The following EZH2 variants were observed in gnomAD, a reference collection of about 807,000 sequenced individuals.
EZH2 encodes the protein enhancer of zeste 2 polycomb repressive complex 2 subunit.
EZH2 carries 18 observed loss-of-function variants against 98.4 expected under a neutral mutation model. The ratio of observed to expected loss-of-function variants is 0.18; its 90% CI spans 0.13 to 0.27. The LOEUF (loss-of-function observed/expected upper bound fraction) is 0.27, where lower values mean the gene tolerates loss of function less well. EZH2 is among the 10% of genes least tolerant of loss of function. The pLI, the probability that EZH2 is intolerant of heterozygous loss-of-function variation, is 1.00. For synonymous variants in EZH2, 338 were observed against 312.3 expected (o/e 1.08, Z -0.87); for missense variants, 470 against 935.1 (o/e 0.50, Z 6.49).
Position 148,826,500 on chromosome 7 carries a change from C to T in EZH2, c.861G>A (p.Arg287=). The T allele has an allele frequency of 1.2e-6, 2 of 1,601,116 alleles. No individual in the cohort carries two copies. The highest frequency in any genetic ancestry group is 1.7e-6 in the Non-Finnish European group (2 of 1,172,368). The change falls in exon 8 of 20, where the codon AGG becomes AGA. Residue 287 remains arginine, a synonymous_variant. Transcript: ENST00000320356. ...GGAAGCAGTCATATTTAAAACATCG[C>T]CTACAGAAAAGCGTATGAAAGGAGT... The part of the protein sequence containing the change: ...SLHSFHTLFC[R]RCFKYDCFLH...
At chr7:148,822,846 G>A (rs1304332608) in intron 8 of EZH2, among the ~76,000 whole-genome samples, 1 of 152,006 alleles carries the variant, frequency 6.6e-6, no homozygotes, top group Non-Finnish European at 1.5e-5. Flanking sequence ...GAAGGCTGAG[G>A]CAGGAGAATC....
At chr7:148,839,613 C>G (rs889733974) in intron 3 of EZH2, among the ~76,000 whole-genome samples, 1 of 151,368 alleles carries the variant, frequency 6.6e-6, no homozygotes, top group Non-Finnish European at 1.5e-5. Flanking sequence ...CTTGTGATCT[C>G]GGCTCACTGA....
At chr7:148,834,358 C>CATATAT (rs1182664076) in intron 3 of EZH2, among the ~76,000 whole-genome samples, 23 of 88,912 alleles carry the variant, frequency 2.6e-4, no homozygotes, top group African/African-American at 9.2e-4. Flanking sequence ...TATATACACA[C>CATATAT]ACACACACAC....
chr7:148,859,089 T>A (rs369773093), intron 1 of EZH2, among the ~76,000 whole-genome samples: 2 of 152,334 alleles, frequency 1.3e-5, no homozygotes, highest in East Asian at 3.9e-4. Flanking sequence ...ATTCATTAAG[T>A]CAACAAATAT....
chr7:148,832,565 A>G, intron 4 of EZH2, 69 bp downstream of exon 4: 2 of 861,190 alleles, frequency 2.3e-6, no homozygotes, highest in Non-Finnish European at 3.7e-6. Context: ...CTTGACAATA[A>G]AATTATCTAT....
intron 3 of EZH2, among the ~76,000 whole-genome samples, chr7:148,838,774 C>G (rs921373471): frequency 7.2e-5 from 11 of 152,064 alleles, no homozygotes; most frequent in Admixed American, 2.0e-4. Flanking sequence ...TGGGCAAGAC[C>G]AGGCGCAGTG....
intron 3 of EZH2, among the ~76,000 whole-genome samples, chr7:148,839,077 G>GAAGGAAGGAAGA (rs1811690099): frequency 6.7e-6 from 1 of 150,300 alleles, no homozygotes; most frequent in African/African-American, 2.5e-5. Flanking sequence ...AGGAAGGAAG[G>GAAGGAAGGAAGA]AAGGAAGGAA....
intron 8 of EZH2, among the ~76,000 whole-genome samples, chr7:148,823,652 CTTTTTT>C (rs548755331): frequency 7.1e-6 from 1 of 141,670 alleles, no homozygotes; most frequent in Non-Finnish European, 1.6e-5. Flanking sequence ...CATTTTCATA[CTTTTTT>C]TTTTTTTTTA....
intron 15 of EZH2, 114 bp downstream of exon 15, chr7:148,813,845 T>C: frequency 8.9e-7 from 1 of 1,121,544 alleles, no homozygotes. Flanking sequence ...CAGTTGCACC[T>C]TTCAAGGATC....
At chr7:148,807,767 T>TGAC (rs55877618) in intron 19 of EZH2, 61 bp from the exon 20 acceptor site, 1 of 1,112,630 alleles carries the variant, frequency 9.0e-7, no homozygotes, top group Middle Eastern at 2.0e-4. Context: ...TGCTGAGACT[T>TGAC]AACACAACAA....
In EZH2 at chr7:148,832,116, G is replaced by C. The variant is rs561021447; in HGVS notation, c.363+518C>G. On this transcript the variant is annotated intron_variant, in intron 4 of 19. Coordinates refer to ENST00000320356, the MANE Select transcript of EZH2 (RefSeq NM_004456.5). ...CATTCCTTTTGTTTTTTTCAGACAG[G>C]GTCTGGCTGTCACCCAAGCTAGAGT... Among the ~76,000 whole-genome samples the C allele has an allele frequency of 3.3e-5, 5 of 151,822 alleles. No homozygotes were observed. In the South Asian group the frequency reaches 1.0e-3, roughly 32 times the overall value.
chr7:148,847,721 G>A (rs569666796), intron 1 of EZH2, among the ~76,000 whole-genome samples: 2 of 152,190 alleles, frequency 1.3e-5, no homozygotes, highest in African/African-American at 4.8e-5. Flanking sequence ...AACTGAAAAA[G>A]GTAAATCCAA....
At chr7:148,854,982 C>G (rs1272106707) in intron 1 of EZH2, among the ~76,000 whole-genome samples, 1 of 152,156 alleles carries the variant, frequency 6.6e-6, no homozygotes, top group African/African-American at 2.4e-5. Context: ...TTAAGAGAAA[C>G]AGATCCTATG....
chr7:148,815,461 C>T (rs1238520375), intron 13 of EZH2, 45 bp downstream of exon 13: 8 of 1,562,540 alleles, frequency 5.1e-6, no homozygotes, highest in Non-Finnish European at 6.2e-6. Context: ...GAAAACAAAG[C>T]AGATATTGTT....
chr7:148,873,510 AG>A (rs1275814495), intron 1 of EZH2, among the ~76,000 whole-genome samples: 3 of 148,702 alleles, frequency 2.0e-5, no homozygotes, highest in Admixed American at 6.7e-5. Context: ...AAAAAAAAAA[AG>A]AAAGATCATT....
In EZH2 at chr7:148,879,468, A is replaced by ATC. The variant is rs527861910; in HGVS notation, c.-8+4694_-8+4695dup. ...TACTTTGGGAGGCCAGGGCAGGTGG[A>ATC]TCACCTGAGGTCGGGAGTTCGAGAC... On this transcript the variant is annotated intron_variant, in intron 1 of 19. Coordinates refer to ENST00000320356, the MANE Select transcript of EZH2 (RefSeq NM_004456.5). Among the ~76,000 whole-genome samples the ATC allele has an allele frequency of 1.8e-4, 27 of 152,066 alleles. 1 individual carries two copies. The highest frequency in any genetic ancestry group is 1.4e-3 in the East Asian group (7 of 5,134).
chr7:148,878,265 A>G (rs576364563), intron 1 of EZH2, among the ~76,000 whole-genome samples: 2 of 152,116 alleles, frequency 1.3e-5, no homozygotes, highest in Middle Eastern at 3.4e-3. Flanking sequence ...TAAACTCCCC[A>G]TTCACCTCTC....
intron 1 of EZH2, among the ~76,000 whole-genome samples, chr7:148,863,333 A>T (rs570451835): frequency 1.3e-4 from 20 of 152,220 alleles, no homozygotes; most frequent in Non-Finnish European, 2.5e-4. Context: ...ACAAGAGTAT[A>T]TGTGAAGAAT....
At chr7:148,882,089 A>T (rs982957829) in intron 1 of EZH2, among the ~76,000 whole-genome samples, 6 of 152,088 alleles carry the variant, frequency 3.9e-5, no homozygotes, top group Non-Finnish European at 1.5e-5. Flanking sequence ...GGATTTTTTA[A>T]ATACAGAATT....
Sources: gnomAD v4.1 joint callset for allele counts (sites outside exome capture counted in the v4.1 genomes callset) on GRCh38, gnomAD v4.1.1 for gene constraint, MANE v1.5 for transcripts, NCBI Gene and HGNC (gene_info 2026-07-23, HGNC 2026-07-21) for gene names.